KIAA1958: variants seen among roughly 807,000 people sequenced by gnomAD.
KIAA1958 encodes the protein KIAA1958.
Under a neutral mutation model 47.2 loss-of-function variants are expected in KIAA1958, and 14 were observed. That is an observed-to-expected ratio of 0.30 (90% CI 0.20 to 0.46). The LOEUF is 0.46. Ranked by LOEUF, KIAA1958 falls within the 20% of genes least tolerant of loss-of-function variation. The probability of loss-of-function intolerance (pLI) is 1.00; values close to 1 mark genes in which losing one functional copy is unlikely to be tolerated. For missense variants in KIAA1958, 803 were observed against 909.2 expected (o/e 0.88, Z 1.50); for synonymous variants, 354 against 353.3 (o/e 1.00, Z -0.02).
chr9:112,522,432 T>G (rs1834563032), intron 1 of KIAA1958, among the ~76,000 whole-genome samples: 1 of 152,206 alleles, frequency 6.6e-6, no homozygotes. Context: ...CTCTTCCACC[T>G]CTAAGTAGCT....
intron 1 of KIAA1958, among the ~76,000 whole-genome samples, chr9:112,559,794 C>T (rs535759945): frequency 4.6e-5 from 7 of 152,298 alleles, no homozygotes; most frequent in African/African-American, 1.7e-4. Flanking sequence ...TTTCTATTTA[C>T]TATACTTCTT....
At chr9:112,603,511 G>A (rs1188484446) in intron 2 of KIAA1958, among the ~76,000 whole-genome samples, 1 of 151,978 alleles carries the variant, frequency 6.6e-6, no homozygotes, top group African/African-American at 2.4e-5. Flanking sequence ...ACCAACCCAA[G>A]TCCCACCCAG....
intron 1 of KIAA1958, among the ~76,000 whole-genome samples, chr9:112,525,494 G>T (rs1364871401): frequency 6.6e-6 from 1 of 152,174 alleles, no homozygotes; most frequent in Non-Finnish European, 1.5e-5. Flanking sequence ...TCCCAGTAAT[G>T]GGGAAGTAGA....
intron 1 of KIAA1958, among the ~76,000 whole-genome samples, chr9:112,504,250 G>T (rs960207864): frequency 4.6e-5 from 7 of 150,944 alleles, no homozygotes; most frequent in African/African-American, 1.5e-4. Flanking sequence ...GCAGTGGTGC[G>T]ATCTCGGCTC....
chr9:112,592,876 G>A (rs914664866), intron 2 of KIAA1958, among the ~76,000 whole-genome samples: 1 of 152,176 alleles, frequency 6.6e-6, no homozygotes, highest in African/African-American at 2.4e-5. Flanking sequence ...AATGAGGTAT[G>A]TCTATATGTA....
intron 2 of KIAA1958, among the ~76,000 whole-genome samples, chr9:112,617,576 G>T (rs1326528796): frequency 1.3e-5 from 2 of 152,152 alleles, no homozygotes; most frequent in Non-Finnish European, 2.9e-5. Context: ...TAAAACGAAG[G>T]CTGTCTCTAA....
chr9:112,594,377 T>A (rs929971283), intron 2 of KIAA1958, among the ~76,000 whole-genome samples: 2 of 152,188 alleles, frequency 1.3e-5, no homozygotes, highest in Non-Finnish European at 2.9e-5. Flanking sequence ...ACTGTGTAAT[T>A]CCTGAACATT....
intron 1 of KIAA1958, among the ~76,000 whole-genome samples, chr9:112,564,734 C>T (rs1398545414): frequency 6.6e-6 from 1 of 152,140 alleles, no homozygotes; most frequent in African/African-American, 2.4e-5. Flanking sequence ...ACAAATTCAA[C>T]TTAAATCTAT....
chr9:112,581,028 C>A (rs988665974), intron 2 of KIAA1958, among the ~76,000 whole-genome samples: 1 of 152,096 alleles, frequency 6.6e-6, no homozygotes. Context: ...CCTGGCCACC[C>A]GGAGCTTAGA....
At chr9:112,626,022 T>G (rs1391564203) in intron 2 of KIAA1958, among the ~76,000 whole-genome samples, 2 of 152,190 alleles carry the variant, frequency 1.3e-5, no homozygotes, top group Non-Finnish European at 2.9e-5. Context: ...CCCACAGTAT[T>G]TTTTAGTCTG....
chr9:112,662,220 T>C lies in KIAA1958; in HGVS notation c.*2151T>C, dbSNP rs1357944975. ...AATCCCTGGGTTCTGAAGTGAATTATTATAATTAATAATCAGGAGGGCGAA... is the reference window on the plus strand; with the variant it reads ...AATCCCTGGGTTCTGAAGTGAATTACTATAATTAATAATCAGGAGGGCGAA... On this transcript the variant is annotated 3_prime_UTR_variant, in exon 4 of 4. Transcript: ENST00000337530. 6.6e-6 allele frequency: 1 copy of C among 152,188 alleles called. No homozygotes were observed. The highest frequency in any genetic ancestry group is 1.5e-5 in the Non-Finnish European group (1 of 68,036). 9.4% of individuals were successfully genotyped at this position (152,188 alleles called of 1,614,324 possible).
intron 2 of KIAA1958, among the ~76,000 whole-genome samples, chr9:112,623,667 T>G (rs1011816615): frequency 6.6e-6 from 1 of 152,232 alleles, no homozygotes; most frequent in Non-Finnish European, 1.5e-5. Context: ...CAGAAGTTTG[T>G]GTCACTCTAA....
Position 112,613,800 on chromosome 9 carries a change from C to T in KIAA1958, c.1172-31850C>T, listed in dbSNP as rs568190912. On this transcript the variant is annotated intron_variant, in intron 2 of 3. Transcript: ENST00000337530. Reference sequence around the variant, plus strand: ...TAGTGTTGCTGAAGATAATGGAGCACCTTTTCCTCATGGTGGGGAAAGTAA... The same window carrying T: ...TAGTGTTGCTGAAGATAATGGAGCATCTTTTCCTCATGGTGGGGAAAGTAA... 4.6e-5 allele frequency among the ~76,000 whole-genome samples: 7 copies of T among 152,110 alleles called. 1 individual carries two copies. The South Asian group carries it at 1.5e-3, about 32-fold the overall frequency.
chr9:112,623,457 C>A (rs529852618), intron 2 of KIAA1958, among the ~76,000 whole-genome samples: 1 of 152,278 alleles, frequency 6.6e-6, no homozygotes, highest in South Asian at 2.1e-4. Flanking sequence ...GCTACTTGTT[C>A]AAGAAGTGAT....
chr9:112,571,569 ACT>A (rs371669522), intron 1 of KIAA1958, among the ~76,000 whole-genome samples: 8 of 151,936 alleles, frequency 5.3e-5, no homozygotes, highest in Non-Finnish European at 7.4e-5. Flanking sequence ...ACAAATTTGG[ACT>A]CTCTGTGAGG....
chr9:112,534,970 A>T (rs1424110022), intron 1 of KIAA1958, among the ~76,000 whole-genome samples: 2 of 152,128 alleles, frequency 1.3e-5, no homozygotes, highest in Admixed American at 6.5e-5. Context: ...TTGTGTGTTA[A>T]TTTTTTTAAT....
At chr9:112,587,096 T>G (rs1162183424) in intron 2 of KIAA1958, among the ~76,000 whole-genome samples, 1 of 152,206 alleles carries the variant, frequency 6.6e-6, no homozygotes, top group African/African-American at 2.4e-5. Flanking sequence ...CATATTTATG[T>G]AACTAATGGC....
At chr9:112,658,274 G>A (rs997715619) in intron 3 of KIAA1958, among the ~76,000 whole-genome samples, 10 of 152,198 alleles carry the variant, frequency 6.6e-5, no homozygotes, top group African/African-American at 2.4e-4. Flanking sequence ...TTAACTTGCT[G>A]TGCAAAATGG....
chr9:112,586,104 A>G (rs1339818244), intron 2 of KIAA1958, among the ~76,000 whole-genome samples: 1 of 152,250 alleles, frequency 6.6e-6, no homozygotes, highest in Non-Finnish European at 1.5e-5. Context: ...TTCCAGAACC[A>G]AGATGCTGTT....
Sources: allele counts gnomAD v4.1 joint callset (sites outside exome capture counted in the v4.1 genomes callset), GRCh38; gene constraint gnomAD v4.1.1; transcripts MANE v1.5; gene names NCBI Gene and HGNC (gene_info 2026-07-23, HGNC 2026-07-21).